Variants in REL observed in about 807,000 individuals in gnomAD.
REL encodes the protein REL proto-oncogene, NF-kB subunit.
In REL, 15 loss-of-function variants were observed where a neutral mutation model predicts 45.9. The ratio of observed to expected loss-of-function variants is 0.33; its 90% CI spans 0.22 to 0.50. The LOEUF (loss-of-function observed/expected upper bound fraction) is 0.50. REL is among the 20% of genes least tolerant of loss of function. The pLI, the probability that REL is intolerant of heterozygous loss-of-function variation, is 0.98. For synonymous variants in REL, 239 were observed against 242.1 expected (o/e 0.99, Z 0.12); for missense variants, 601 against 715.2 (o/e 0.84, Z 1.82).
At chr2:60,917,550 G>A (rs1674009797) in intron 5 of REL, among the ~76,000 whole-genome samples, 1 of 127,058 alleles carries the variant, frequency 7.9e-6, no homozygotes, top group Admixed American at 8.7e-5. Context: ...TTTTTTTGGA[G>A]ACAGGGTCTC....
intron 2 of REL, among the ~76,000 whole-genome samples, chr2:60,893,411 A>G (rs574403960): frequency 4.0e-4 from 61 of 152,288 alleles, no homozygotes; most frequent in Non-Finnish European, 7.1e-4. Context: ...AATGGATGAG[A>G]TGCTAATAAA....
rs1270457618 is a variant in REL, at chr2:60,926,780, A to T, written c.*4245A>T. ...TTCTCCATCACACTCATACTTAATC[A>T]TCAAGTCCTTTTGAGCTTGTCTCCT... On this transcript the variant is annotated 3_prime_UTR_variant, in exon 10 of 10. Transcript: ENST00000394479. 8.8e-6 allele frequency: 2 copies of T among 228,036 alleles called. No individual in the cohort carries two copies. Among genetic ancestry groups the T allele is most frequent in the Non-Finnish European group, 1.7e-5 (2 of 114,782 alleles). The allele number at this position is 228,036 out of a possible 1,614,324, so 14.1% of individuals were successfully genotyped here. A position where few individuals can be genotyped will look rare whatever the true frequency, so the allele number is the denominator to read the frequency against.
At chr2:60,902,691 T>C (rs1292809232) in intron 4 of REL, among the ~76,000 whole-genome samples, 2 of 151,344 alleles carry the variant, frequency 1.3e-5, no homozygotes, top group Non-Finnish European at 2.9e-5. Context: ...CATCCTGGGC[T>C]CAAGCGGTCA....
At position 60,881,788 on chromosome 2, in the gene REL, C is replaced by T; in HGVS notation, c.-53C>T. 2 of 1,524,838 alleles carry T rather than the reference C, an allele frequency of 1.3e-6. No homozygotes were observed. Among genetic ancestry groups the T allele is most frequent in the African/African-American group, 1.4e-5 (1 of 71,308 alleles). The allele number at this position is 1,524,838 out of a possible 1,614,324, so 94.5% of individuals were successfully genotyped here. A position where few individuals can be genotyped will look rare whatever the true frequency, so the allele number is the denominator to read the frequency against. On this transcript the variant is annotated 5_prime_UTR_variant, in exon 1 of 10. Coordinates refer to ENST00000394479, the MANE Select transcript of REL (RefSeq NM_001291746.2). ...CCTCCTGACTGACTGACTGCGGCCG[C>T]CTCCGGCCAGGACGCTGGGAGCTGC...
rs769681135 is a variant in REL at position 60,891,839 on chromosome 2, C to A, written c.153+14C>A. 1.3e-6 allele frequency: 2 copies of A among 1,596,094 alleles called. No individual in the cohort carries two copies. The highest frequency in any genetic ancestry group is 8.5e-7 in the Non-Finnish European group (1 of 1,170,488). On this transcript the variant is annotated intron_variant, in intron 2 of 9. Transcript: ENST00000394479. The stretch of plus-strand genomic sequence containing the variant: ...CCTTCTATCCAGGTAATAGACCCTT[C>A]TTCTGTGTCTATCTCACTATTAGTT...
intron 4 of REL, among the ~76,000 whole-genome samples, chr2:60,916,027 A>G (rs1046181444): frequency 3.3e-5 from 5 of 152,176 alleles, no homozygotes; most frequent in Admixed American, 6.6e-5. Flanking sequence ...ATAGATTTCA[A>G]TTTTTAAAAG....
intron 3 of REL, among the ~76,000 whole-genome samples, chr2:60,897,598 G>A (rs556621915): frequency 2.0e-5 from 3 of 152,004 alleles, no homozygotes; most frequent in Admixed American, 6.6e-5. Flanking sequence ...ATGAGCCACC[G>A]TGCCTGGCCA....
chr2:60,881,647 G>A lies in REL; in HGVS notation c.-194G>A. 3.8e-6 allele frequency: 2 copies of A among 524,234 alleles called. No individual in the cohort carries two copies. 32.5% of individuals were successfully genotyped at this position (524,234 alleles called of 1,614,324 possible). A position where few individuals can be genotyped will look rare whatever the true frequency, so the allele number is the denominator to read the frequency against. On this transcript the variant is annotated 5_prime_UTR_variant, in exon 1 of 10. Coordinates refer to ENST00000394479, the MANE Select transcript of REL (RefSeq NM_001291746.2). ...ACGGCGACGCTGGGTGACCCGGGGT[G>A]CAAGAATTCAGGGGTTGGGAAGGTG...
At chr2:60,915,022 G>A (rs543464326) in intron 4 of REL, among the ~76,000 whole-genome samples, 15 of 151,026 alleles carry the variant, frequency 9.9e-5, no homozygotes, top group Non-Finnish European at 1.6e-4. Context: ...TAGTAGAGGC[G>A]GGGTTTCACC....
intron 1 of REL, among the ~76,000 whole-genome samples, chr2:60,890,595 A>G (rs1673184495): frequency 6.6e-6 from 1 of 152,176 alleles, no homozygotes; most frequent in South Asian, 2.1e-4. Context: ...CCTACTTGCA[A>G]GTACAGTTGA....
Position 60,918,273 on chromosome 2 carries a change from A to G in REL, c.618A>G (p.Leu206=). ...GSVRGGDEIF[L]LCDKVQKDDI... is the part of the protein sequence containing the mutation. ...TCAGAGGAGGAGATGAAATATTTCT[A>G]CTTTGTGACAAAGTTCAGAAAGGTA... The change falls in exon 6 of 10, where the codon CTA becomes CTG. Residue 206 remains leucine, a synonymous_variant. Coordinates refer to ENST00000394479, the MANE Select transcript of REL (RefSeq NM_001291746.2). The G allele has an allele frequency of 1.9e-6, 3 of 1,602,504 alleles. No homozygotes were observed. Among genetic ancestry groups the G allele is most frequent in the Non-Finnish European group, 1.7e-6 (2 of 1,171,668 alleles).
At chr2:60,902,595 CTTT>C (rs59468048) in intron 4 of REL, among the ~76,000 whole-genome samples, 3 of 120,778 alleles carry the variant, frequency 2.5e-5, no homozygotes, top group Admixed American at 8.3e-5. Context: ...ATTTAGTCAT[CTTT>C]TTTTTTTTTT....
chr2:60,892,032 C>T (rs1456412736), intron 2 of REL, among the ~76,000 whole-genome samples: 1 of 151,938 alleles, frequency 6.6e-6, no homozygotes, highest in Non-Finnish European at 1.5e-5. Flanking sequence ...ATGGAGTCTT[C>T]CCCACTGCAG....
At chr2:60,905,718 A>G (rs1673628551) in intron 4 of REL, among the ~76,000 whole-genome samples, 1 of 152,136 alleles carries the variant, frequency 6.6e-6, no homozygotes, top group Non-Finnish European at 1.5e-5. Context: ...AAAAAGCCTT[A>G]GAGCAGGAAG....
At chr2:60,885,063 G>T (rs1193923021) in intron 1 of REL, among the ~76,000 whole-genome samples, 1 of 152,090 alleles carries the variant, frequency 6.6e-6, no homozygotes, top group Non-Finnish European at 1.5e-5. Context: ...CGTATGATAG[G>T]CACAGATAAA....
intron 3 of REL, among the ~76,000 whole-genome samples, chr2:60,898,814 T>C (rs546162879): frequency 6.6e-6 from 1 of 152,364 alleles, no homozygotes; most frequent in Admixed American, 6.5e-5. Context: ...TTGCCAATCT[T>C]TCCACTAGAC....
At chr2:60,904,003 A>G (rs570771587) in intron 4 of REL, among the ~76,000 whole-genome samples, 1 of 152,342 alleles carries the variant, frequency 6.6e-6, no homozygotes, top group South Asian at 2.1e-4. Flanking sequence ...CATAATGGCA[A>G]TTAAAATAGT....
Position 60,907,496 on chromosome 2 carries a change from C to A in REL, c.394+6413C>A, listed in dbSNP as rs938581534. ...CCATCTCTACAAAAAATTGGCTGGG[C>A]ATGGGTGCGTGCTGCAAGTCCCAGC... On this transcript the variant is annotated intron_variant, in intron 4 of 9. Coordinates refer to ENST00000394479, the MANE Select transcript of REL (RefSeq NM_001291746.2). 9.9e-5 allele frequency among the ~76,000 whole-genome samples: 15 copies of A among 151,876 alleles called. No individual in the cohort carries two copies. The South Asian group carries it at 1.2e-3, about 13-fold the overall frequency.
intron 1 of REL, among the ~76,000 whole-genome samples, chr2:60,885,203 C>T (rs1673041415): frequency 6.6e-6 from 1 of 152,122 alleles, no homozygotes; most frequent in South Asian, 2.1e-4. Context: ...TTCCAACTTT[C>T]TCTCATATGG....
Sources: gnomAD v4.1 joint callset for allele counts (sites outside exome capture counted in the v4.1 genomes callset) on GRCh38, gnomAD v4.1.1 for gene constraint, MANE v1.5 for transcripts, NCBI Gene and HGNC (gene_info 2026-07-23, HGNC 2026-07-21) for gene names.